SPRR2E: variants seen among roughly 807,000 people sequenced by gnomAD.
The protein encoded by SPRR2E is small proline rich protein 2E, also known as small proline-rich protein 2E.
For synonymous variants in SPRR2E, 20 were observed against 32.2 expected (o/e 0.62, Z 1.28); for missense variants, 68 against 87.1 (o/e 0.78, Z 0.87).
chr1:153,093,480 A>T lies in SPRR2E; in HGVS notation c.*53T>A, dbSNP rs79905556. On this transcript the variant is annotated 3_prime_UTR_variant, in exon 2 of 2. Transcript: ENST00000368750. Reference sequence around the variant, plus strand: ...GAAGATGCAGGTGAAGCTGTGGAACAAGGTGAGCCAATTATCCTTATCCTT... The same window carrying T: ...GAAGATGCAGGTGAAGCTGTGGAACTAGGTGAGCCAATTATCCTTATCCTT... 4 of 1,584,188 alleles carry T rather than the reference A, an allele frequency of 2.5e-6. No individual in the cohort carries two copies. The Admixed American group carries it at 6.8e-5, about 27-fold the overall frequency.
Position 153,093,172 on chromosome 1 carries a change from A to G in SPRR2E, c.*361T>C. 2.8e-6 allele frequency: 1 copy of G among 354,228 alleles called. No homozygotes were observed. The highest frequency in any genetic ancestry group is 5.1e-6 in the Non-Finnish European group (1 of 196,600). 21.9% of individuals were successfully genotyped at this position (354,228 alleles called of 1,614,324 possible). Reference sequence around the variant, plus strand: ...GATATTTTATTCAGGGAGTGAAAGAAAAGTGACAATTGCACAGGTGTTAGA... The same window carrying G: ...GATATTTTATTCAGGGAGTGAAAGAGAAGTGACAATTGCACAGGTGTTAGA... On this transcript the variant is annotated 3_prime_UTR_variant, in exon 2 of 2. Transcript: ENST00000368750.
chr1:153,094,132 G>A (rs934259611), intron 1 of SPRR2E, among the ~76,000 whole-genome samples: 1 of 152,248 alleles, frequency 6.6e-6, no homozygotes, highest in Non-Finnish European at 1.5e-5. Flanking sequence ...CCAGTGGGTT[G>A]ACTTGGGCAC....
intron 1 of SPRR2E, 65 bp downstream of exon 1, chr1:153,094,419 G>A (rs1352631824): frequency 6.5e-6 from 1 of 154,604 alleles, no homozygotes; most frequent in Non-Finnish European, 1.4e-5. Context: ...CAAACTTGCT[G>A]GATTCAGGTT....
Position 153,093,572 on chromosome 1 carries a change from G to C in SPRR2E, c.180C>G (p.Ser60=), listed in dbSNP as rs777841316. 1.2e-6 allele frequency: 2 copies of C among 1,612,998 alleles called. No homozygotes were observed. Among genetic ancestry groups the C allele is most frequent in the East Asian group, 2.2e-5 (1 of 44,882 alleles). ...CQQKCPPVTP[S]PPCQPKCPPK... is the part of the protein sequence containing the mutation. ...GTGGACACTTTGGCTGGCAGGGTGG[G>C]GAAGGTGTCACAGGAGGACATTTTT... The change falls in exon 2 of 2, where the codon TCC becomes TCG. Residue 60 remains serine (S), a synonymous_variant. Coordinates refer to ENST00000368750, the MANE Select transcript of SPRR2E (RefSeq NM_001024209.4).
chr1:153,094,045 A>G (rs1325608541), intron 1 of SPRR2E, among the ~76,000 whole-genome samples: 1 of 152,244 alleles, frequency 6.6e-6, no homozygotes, highest in Non-Finnish European at 1.5e-5. Context: ...TGACATCTTC[A>G]GGAAAGGCAG....
rs114465943 is a variant in SPRR2E at position 153,093,432 on chromosome 1, G to A, written c.*101C>T. On this transcript the variant is annotated 3_prime_UTR_variant, in exon 2 of 2. Coordinates refer to ENST00000368750, the MANE Select transcript of SPRR2E (RefSeq NM_001024209.4). ...GGCTAAGAGGAAAGAAGCTAACTGTGTATCCATGGTAGGCTTTGATGAGAA... is the reference window on the plus strand; with the variant it reads ...GGCTAAGAGGAAAGAAGCTAACTGTATATCCATGGTAGGCTTTGATGAGAA... The A allele has an allele frequency of 1.3e-6, 2 of 1,537,232 alleles. No individual in the cohort carries two copies. Among genetic ancestry groups the A allele is most frequent in the Non-Finnish European group, 1.8e-6 (2 of 1,138,648 alleles).
rs781456146 is a variant in SPRR2E at position 153,093,568 on chromosome 1, G to A, written c.184C>T (p.Pro62Ser). The change falls in exon 2 of 2, where the codon CCC (proline) becomes TCC (serine). Residue 62 changes from proline to serine, a missense_variant. Transcript: ENST00000368750. ...QKCPPVTPSP[P>S]CQPKCPPKSK ...TTGGGTGGACACTTTGGCTGGCAGG[G>A]TGGGGAAGGTGTCACAGGAGGACAT... 11 of 1,612,998 alleles carry A rather than the reference G, an allele frequency of 6.8e-6. No individual in the cohort carries two copies. The highest frequency in any genetic ancestry group is 5.5e-5 in the South Asian group (5 of 91,020).
Position 153,093,393 on chromosome 1 carries a change from A to T in SPRR2E, c.*140T>A. On this transcript the variant is annotated 3_prime_UTR_variant, in exon 2 of 2. Coordinates refer to ENST00000368750, the MANE Select transcript of SPRR2E (RefSeq NM_001024209.4). ...AAACCTTTTGCTATCAGGGATCATC[A>T]TGGGCAGATCACTGGCTAAGAGGAA... The T allele has an allele frequency of 6.8e-7, 1 of 1,461,176 alleles. No individual in the cohort carries two copies. Among genetic ancestry groups the T allele is most frequent in the Non-Finnish European group, 9.2e-7 (1 of 1,082,180 alleles). 90.5% of individuals were successfully genotyped at this position (1,461,176 alleles called of 1,614,324 possible). A position where few individuals can be genotyped will look rare whatever the true frequency, so the allele number is the denominator to read the frequency against.
At chr1:153,093,919 C>A (rs1442013311) in intron 1 of SPRR2E, 149 bp from the exon 2 acceptor site, 3 of 1,349,482 alleles carry the variant, frequency 2.2e-6, no homozygotes, top group South Asian at 1.5e-5. Flanking sequence ...CCTGTCTTCT[C>A]CTTTCCACTT....
rs772001112 is a variant in SPRR2E, at chr1:153,093,497, C to T, written c.*36G>A. 2 of 1,601,506 alleles carry T rather than the reference C, an allele frequency of 1.2e-6. No individual in the cohort carries two copies. The highest frequency in any genetic ancestry group is 1.7e-6 in the Non-Finnish European group (2 of 1,174,292). On this transcript the variant is annotated 3_prime_UTR_variant, in exon 2 of 2. Coordinates refer to ENST00000368750, the MANE Select transcript of SPRR2E (RefSeq NM_001024209.4). Reference sequence around the variant, plus strand: ...TGTGGAACAAGGTGAGCCAATTATCCTTATCCTTTCATGCTCCTGATGAAT... The same window carrying T: ...TGTGGAACAAGGTGAGCCAATTATCTTTATCCTTTCATGCTCCTGATGAAT...
At position 153,093,346 on chromosome 1, in the gene SPRR2E, C is replaced by G. The variant is rs915140717; in HGVS notation, c.*187G>C. 1.5e-5 allele frequency: 17 copies of G among 1,151,956 alleles called. No individual in the cohort carries two copies. The highest frequency in any genetic ancestry group is 1.9e-5 in the Non-Finnish European group (16 of 825,898). 71.4% of individuals were successfully genotyped at this position (1,151,956 alleles called of 1,614,324 possible). A position where few individuals can be genotyped will look rare whatever the true frequency, so the allele number is the denominator to read the frequency against. On this transcript the variant is annotated 3_prime_UTR_variant, in exon 2 of 2. Coordinates refer to ENST00000368750, the MANE Select transcript of SPRR2E (RefSeq NM_001024209.4). ...TTCTCAGTCTCCACCTGGACAGTGG[C>G]AATATGGCAGCCTCAGAAAGGAAAC...
chr1:153,093,686 C>T lies in SPRR2E; in HGVS notation c.66G>A (p.Lys22=), dbSNP rs1316779802. ...TCGGGGGTGGACATGGCTCTGGGCA[C>T]TTTGGCGTGGGGCACACAGGAGGTG... ...CQPPPVCPTP[K]CPEPCPPPKC... The change falls in exon 2 of 2, where the codon AAG becomes AAA. Residue 22 remains lysine (K), a synonymous_variant. Transcript: ENST00000368750. The T allele has an allele frequency of 6.2e-7, 1 of 1,612,260 alleles. No homozygotes were observed. Among genetic ancestry groups the T allele is most frequent in the Non-Finnish European group, 8.5e-7 (1 of 1,179,844 alleles).
At position 153,093,381 on chromosome 1, in the gene SPRR2E, T is replaced by C; in HGVS notation, c.*152A>G. The C allele has an allele frequency of 7.1e-7, 1 of 1,408,368 alleles. No individual in the cohort carries two copies. Among genetic ancestry groups the C allele is most frequent in the East Asian group, 2.3e-5 (1 of 43,236 alleles). 87.2% of individuals were successfully genotyped at this position (1,408,368 alleles called of 1,614,324 possible). On this transcript the variant is annotated 3_prime_UTR_variant, in exon 2 of 2. Coordinates refer to ENST00000368750, the MANE Select transcript of SPRR2E (RefSeq NM_001024209.4). ...GCCTCAGAAAGGAAACCTTTTGCTA[T>C]CAGGGATCATCATGGGCAGATCACT...
chr1:153,094,103 CATT>C (rs1285420152), intron 1 of SPRR2E, among the ~76,000 whole-genome samples: 1 of 152,242 alleles, frequency 6.6e-6, no homozygotes, highest in African/African-American at 2.4e-5. Context: ...TTCCTATCAT[CATT>C]ATCTGTTGTA....
chr1:153,093,819 A>G, intron 1 of SPRR2E, 49 bp from the exon 2 acceptor site: 2 of 1,608,478 alleles, frequency 1.2e-6, no homozygotes, highest in Non-Finnish European at 1.7e-6. Flanking sequence ...TCCTCCAGAG[A>G]GAGAAGCCAA....
chr1:153,093,438 A>C lies in SPRR2E; in HGVS notation c.*95T>G, dbSNP rs888687599. 413 of 1,548,114 alleles carry C rather than the reference A, an allele frequency of 2.7e-4. No individual in the cohort carries two copies. Among genetic ancestry groups the C allele is most frequent in the Non-Finnish European group, 3.5e-4 (397 of 1,144,514 alleles). Reference sequence around the variant, plus strand: ...GAGGAAAGAAGCTAACTGTGTATCCATGGTAGGCTTTGATGAGAAGATGCA... The same window carrying C: ...GAGGAAAGAAGCTAACTGTGTATCCCTGGTAGGCTTTGATGAGAAGATGCA... On this transcript the variant is annotated 3_prime_UTR_variant, in exon 2 of 2. Transcript: ENST00000368750.
At position 153,093,662 on chromosome 1, in the gene SPRR2E, C is replaced by T. The variant is rs201389120; in HGVS notation, c.90G>A (p.Pro30=). ...TPKCPEPCPP[P]KCPEPCPPPK... ...GTGGTGGGCAGGGCTCAGGGCACTT[C>T]GGGGGTGGACATGGCTCTGGGCACT... Residue 30 remains proline (P), a synonymous_variant, in exon 2 of 2, where the codon CCG becomes CCA. Coordinates refer to ENST00000368750, the MANE Select transcript of SPRR2E (RefSeq NM_001024209.4). 1.8e-5 allele frequency: 29 copies of T among 1,612,242 alleles called. No homozygotes were observed. The highest frequency in any genetic ancestry group is 2.1e-4 in the Middle Eastern group (1 of 4,764).
Position 153,093,470 on chromosome 1 carries a change from G to T in SPRR2E, c.*63C>A. ...GCTTTGATGAGAAGATGCAGGTGAA[G>T]CTGTGGAACAAGGTGAGCCAATTAT... On this transcript the variant is annotated 3_prime_UTR_variant, in exon 2 of 2. Transcript: ENST00000368750. The T allele has an allele frequency of 1.3e-6, 2 of 1,574,278 alleles. No individual in the cohort carries two copies. The highest frequency in any genetic ancestry group is 1.7e-6 in the Non-Finnish European group (2 of 1,159,538).
At position 153,093,576 on chromosome 1, in the gene SPRR2E, G is replaced by A; in HGVS notation, c.176C>T (p.Pro59Leu). ...ACACTTTGGCTGGCAGGGTGGGGAA[G>A]GTGTCACAGGAGGACATTTTTGCTG... is the stretch of plus-strand genomic sequence containing the variant. ...QCQQKCPPVTPSPPCQPKCPP... is the reference protein window; with the variant it reads ...QCQQKCPPVTLSPPCQPKCPP... The change falls in exon 2 of 2, where the codon CCT becomes CTT. Residue 59 changes from proline (P) to leucine (L), a missense_variant. Transcript: ENST00000368750. 6.2e-7 allele frequency: 1 copy of A among 1,612,992 alleles called. No homozygotes were observed. Among genetic ancestry groups the A allele is most frequent in the Non-Finnish European group, 8.5e-7 (1 of 1,179,830 alleles).
Sources: allele counts gnomAD v4.1 joint callset (sites outside exome capture counted in the v4.1 genomes callset), GRCh38; gene constraint gnomAD v4.1.1; transcripts MANE v1.5; gene names NCBI Gene and HGNC (gene_info 2026-07-23, HGNC 2026-07-21).